The following KHDRBS3 variants were observed in gnomAD, a reference collection of about 807,000 sequenced individuals.
The protein encoded by KHDRBS3 is KH domain-containing, RNA-binding, signal transduction-associated protein 3.
Under a neutral mutation model 45.6 loss-of-function variants are expected in KHDRBS3, and 23 were observed. The observed-to-expected ratio is 0.50, with a 90% CI of 0.36 to 0.72. The LOEUF is 0.72. Ranked by LOEUF, KHDRBS3 falls within the 30% of genes least tolerant of loss-of-function variation. The pLI, the probability that KHDRBS3 is intolerant of heterozygous loss-of-function variation, is 0.00. For missense variants in KHDRBS3, 352 were observed against 424.8 expected (o/e 0.83, Z 1.51); for synonymous variants, 162 against 156.5 (o/e 1.04, Z -0.26).
chr8:135,559,221 T>C (rs1325299255), intron 5 of KHDRBS3, among the ~76,000 whole-genome samples: 1 of 152,250 alleles, frequency 6.6e-6, no homozygotes, highest in Non-Finnish European at 1.5e-5. Flanking sequence ...TTTCTTTTTC[T>C]AGATAAGGTT....
intron 1 of KHDRBS3, among the ~76,000 whole-genome samples, chr8:135,490,818 G>C (rs56212001): frequency 0.18 from 28,055 of 152,066 alleles, 2,741 homozygotes; most frequent in East Asian, 0.35. Context: ...GGAGTCAGTG[G>C]GCAGCATGCT....
At chr8:135,519,100 A>G (rs1025284885) in intron 1 of KHDRBS3, among the ~76,000 whole-genome samples, 1 of 152,168 alleles carries the variant, frequency 6.6e-6, no homozygotes, top group African/African-American at 2.4e-5. Context: ...CTTAGTCTTT[A>G]TCTCTTCTTG....
chr8:135,525,003 C>G (rs1825107990), intron 2 of KHDRBS3, among the ~76,000 whole-genome samples: 3 of 152,080 alleles, frequency 2.0e-5, no homozygotes, highest in Admixed American at 6.6e-5. Flanking sequence ...TCTTCTAAGT[C>G]TTGGCCATCT....
chr8:135,599,024 T>C (rs189071110), intron 6 of KHDRBS3, among the ~76,000 whole-genome samples: 1 of 152,330 alleles, frequency 6.6e-6, no homozygotes, highest in African/African-American at 2.4e-5. Context: ...GTAACAGAAA[T>C]AGAATTAAAT....
At chr8:135,625,745 T>G in intron 7 of KHDRBS3, 1 of 761,108 alleles carries the variant, frequency 1.3e-6, no homozygotes, top group Non-Finnish European at 2.4e-6. Flanking sequence ...TAAAACCTAC[T>G]GGTAGTATTT....
At chr8:135,572,965 T>C (rs1360846118) in intron 5 of KHDRBS3, among the ~76,000 whole-genome samples, 1 of 152,230 alleles carries the variant, frequency 6.6e-6, no homozygotes, top group Non-Finnish European at 1.5e-5. Context: ...AGCAAGATTG[T>C]CAAATGTATT....
At chr8:135,636,651 C>T (rs1830826765) in intron 7 of KHDRBS3, among the ~76,000 whole-genome samples, 2 of 152,310 alleles carry the variant, frequency 1.3e-5, no homozygotes, top group East Asian at 1.9e-4. Context: ...ATAAAGCAAG[C>T]TGTCTGAAAC....
At chr8:135,586,511 G>A (rs748280406) in intron 6 of KHDRBS3, among the ~76,000 whole-genome samples, 11 of 149,306 alleles carry the variant, frequency 7.4e-5, no homozygotes, top group Admixed American at 2.7e-4. Flanking sequence ...TAAGCTACCC[G>A]AAGTAGGTAA....
At chr8:135,518,636 G>C (rs1252167756) in intron 1 of KHDRBS3, among the ~76,000 whole-genome samples, 2 of 152,158 alleles carry the variant, frequency 1.3e-5, no homozygotes, top group Non-Finnish European at 2.9e-5. Flanking sequence ...AGATAATGAA[G>C]GGTGGGATTT....
At chr8:135,526,262 A>G (rs550304399) in intron 2 of KHDRBS3, among the ~76,000 whole-genome samples, 1 of 152,252 alleles carries the variant, frequency 6.6e-6, no homozygotes, top group South Asian at 2.1e-4. Flanking sequence ...TAAAATCTCA[A>G]ATATTGTTTT....
At chr8:135,594,522 G>C (rs1260080190) in intron 6 of KHDRBS3, among the ~76,000 whole-genome samples, 1 of 152,224 alleles carries the variant, frequency 6.6e-6, no homozygotes, top group African/African-American at 2.4e-5. Context: ...AAGTTATAAA[G>C]ATGAGGTAAG....
At chr8:135,580,538 TTTC>T in intron 5 of KHDRBS3, among the ~76,000 whole-genome samples, 1 of 152,216 alleles carries the variant, frequency 6.6e-6, no homozygotes, top group Non-Finnish European at 1.5e-5. Context: ...GTTCATAGTA[TTTC>T]TTCATTATTC....
At chr8:135,559,635 A>C (rs558115644) in intron 5 of KHDRBS3, among the ~76,000 whole-genome samples, 1 of 152,336 alleles carries the variant, frequency 6.6e-6, no homozygotes, top group African/African-American at 2.4e-5. Context: ...TGCTGGGATT[A>C]CAGGCGTGAG....
At chr8:135,634,100 C>A (rs767681143) in intron 7 of KHDRBS3, among the ~76,000 whole-genome samples, 2 of 152,184 alleles carry the variant, frequency 1.3e-5, no homozygotes, top group Non-Finnish European at 2.9e-5. Flanking sequence ...GATATCAACC[C>A]ATTTCTTAAA....
chr8:135,655,761 C>T (rs771967236), intron 4 of KHDRBS3, among the ~76,000 whole-genome samples: 5 of 152,004 alleles, frequency 3.3e-5, no homozygotes, highest in Non-Finnish European at 7.4e-5. Flanking sequence ...TTCTGATCAC[C>T]AGCCAGTTTT....
intron 2 of KHDRBS3, among the ~76,000 whole-genome samples, chr8:135,533,111 T>G (rs1304856243): frequency 6.6e-6 from 1 of 152,092 alleles, no homozygotes; most frequent in Non-Finnish European, 1.5e-5. Flanking sequence ...TCATTTGCTT[T>G]CAGTGTACTG....
intron 7 of KHDRBS3, among the ~76,000 whole-genome samples, chr8:135,638,752 A>G (rs1261163410): frequency 6.6e-6 from 1 of 152,314 alleles, no homozygotes; most frequent in East Asian, 1.9e-4. Context: ...GATTGAGACC[A>G]TCCTGGCCAA....
chr8:135,460,114 A>G (rs1292709148), intron 1 of KHDRBS3, among the ~76,000 whole-genome samples: 2 of 152,256 alleles, frequency 1.3e-5, no homozygotes, highest in Non-Finnish European at 2.9e-5. Flanking sequence ...ATCTGAAGCT[A>G]CATGATTGTG....
intron 1 of KHDRBS3, among the ~76,000 whole-genome samples, chr8:135,460,068 C>T (rs1821354748): frequency 6.6e-6 from 1 of 152,184 alleles, no homozygotes; most frequent in African/African-American, 2.4e-5. Context: ...ACATTAATTA[C>T]ACGCTTATGT....
Sources: gnomAD v4.1 joint callset for allele counts (sites outside exome capture counted in the v4.1 genomes callset) on GRCh38, gnomAD v4.1.1 for gene constraint, MANE v1.5 for transcripts, NCBI Gene and HGNC (gene_info 2026-07-23, HGNC 2026-07-21) for gene names.